The following GPC5 variants were observed in gnomAD, a reference collection of about 807,000 sequenced individuals.
The protein encoded by GPC5 is glypican 5, also known as glypican-5.
GPC5 carries 47 observed loss-of-function variants against 53.9 expected under a neutral mutation model. That is an observed-to-expected ratio of 0.87 (90% CI 0.69 to 1.11). The LOEUF is 1.11. GPC5 is among the 50% of genes most tolerant of loss of function. GPC5 has a pLI of 0.00. For missense variants in GPC5, 748 were observed against 713.1 expected, an observed-to-expected ratio of 1.05 and a Z score of -0.56; for synonymous variants, 286 against 263.3, an observed-to-expected ratio of 1.09 and a Z score of -0.84.
intron 7 of GPC5, among the ~76,000 whole-genome samples, chr13:92,300,196 A>T (rs1050672815): frequency 1.3e-5 from 2 of 152,184 alleles, no homozygotes; most frequent in Non-Finnish European, 2.9e-5. Context: ...TCGTGAGGGT[A>T]AACACATACA....
At chr13:92,154,391 T>C (rs1566459307) in intron 7 of GPC5, among the ~76,000 whole-genome samples, 2 of 152,134 alleles carry the variant, frequency 1.3e-5, no homozygotes, top group Non-Finnish European at 2.9e-5. Flanking sequence ...ATACTATCAA[T>C]ACAAAAGTCA....
chr13:92,141,893 A>C (rs1181072462), intron 6 of GPC5, among the ~76,000 whole-genome samples: 1 of 152,108 alleles, frequency 6.6e-6, no homozygotes, highest in African/African-American at 2.4e-5. Context: ...AGAGGCCACT[A>C]GTGGTACAGT....
chr13:91,525,961 G>T (rs1382184888), intron 2 of GPC5, among the ~76,000 whole-genome samples: 4 of 152,256 alleles, frequency 2.6e-5, no homozygotes, highest in African/African-American at 9.6e-5. Flanking sequence ...GTCAAAAGTT[G>T]AATTTATGTA....
intron 7 of GPC5, among the ~76,000 whole-genome samples, chr13:92,402,482 T>A (rs1396151179): frequency 6.6e-6 from 1 of 152,186 alleles, no homozygotes; most frequent in African/African-American, 2.4e-5. Context: ...TTTTTGGTTT[T>A]TTGTTTTCTT....
chr13:92,108,449 AGCCTGCAGG>A (rs2041527311), intron 6 of GPC5, among the ~76,000 whole-genome samples: 1 of 152,176 alleles, frequency 6.6e-6, no homozygotes, highest in African/African-American at 2.4e-5. Flanking sequence ...TATAGAAAGG[AGCCTGCAGG>A]GCTGGGATTT....
chr13:91,956,078 G>C (rs1301269858), intron 6 of GPC5, among the ~76,000 whole-genome samples: 5 of 152,178 alleles, frequency 3.3e-5, no homozygotes, highest in African/African-American at 9.6e-5. Flanking sequence ...CCAGGGGCTT[G>C]AGAATCACCT....
rs982489880 is a variant in GPC5, at chr13:91,651,136, A to G, written c.326-42051A>G. On this transcript the variant is annotated intron_variant, in intron 2 of 7. Transcript: ENST00000377067. ...TCATCCAACAGTTATGAATTTCACC[A>G]TACCACTAGGTAAATGTAAGTACCC... Among the ~76,000 whole-genome samples the G allele has an allele frequency of 4.6e-5, 7 of 152,182 alleles. 1 individual carries two copies. Among genetic ancestry groups the G allele is most frequent in the African/African-American group, 1.7e-4 (7 of 41,450 alleles).
At position 91,712,444 on chromosome 13, in the gene GPC5, T is replaced by TATATTAG. The variant is rs1215825941; in HGVS notation, c.1021-16088_1021-16087insATATTAG. Among the ~76,000 whole-genome samples the TATATTAG allele has an allele frequency of 3.9e-5, 6 of 152,162 alleles. No individual in the cohort carries two copies. The East Asian group carries it at 1.2e-3, about 29-fold the overall frequency. Reference sequence around the variant, plus strand: ...GAATATATTGGTGTTTCTCACTAACTTGGGTGAAAGTATGAATCATAAATA... The same window carrying TATATTAG: ...GAATATATTGGTGTTTCTCACTAACTATATTAGTGGGTGAAAGTATGAATCATAAATA... On this transcript the variant is annotated intron_variant, in intron 3 of 7. Transcript: ENST00000377067.
chr13:91,873,085 TATAGAAAATGATATGCAATTGCC>T (rs1377001641), intron 5 of GPC5, among the ~76,000 whole-genome samples: 6 of 152,362 alleles, frequency 3.9e-5, no homozygotes, highest in East Asian at 1.9e-4. Flanking sequence ...ATGTTTATTT[TATAGAAAATGATATGCAATTGCC>T]ATAGAAAATG....
chr13:91,641,952 T>A, intron 2 of GPC5, among the ~76,000 whole-genome samples: 1 of 152,184 alleles, frequency 6.6e-6, no homozygotes, highest in East Asian at 1.9e-4. Flanking sequence ...TACAAGAGGC[T>A]AAAGTCATGG....
intron 7 of GPC5, chr13:92,719,798 C>A (rs1327180982): frequency 6.6e-6 from 1 of 152,130 alleles, no homozygotes; most frequent in African/African-American, 2.4e-5. Flanking sequence ...AAGTTACACA[C>A]CTTCTGTTCA....
intron 7 of GPC5, among the ~76,000 whole-genome samples, chr13:92,707,502 G>A (rs1265003621): frequency 1.3e-5 from 2 of 151,996 alleles, no homozygotes; most frequent in African/African-American, 2.4e-5. Flanking sequence ...AGCAAGAAAG[G>A]CTCACTGAAT....
chr13:91,427,256 A>G (rs1373260824), intron 1 of GPC5, among the ~76,000 whole-genome samples: 3 of 152,208 alleles, frequency 2.0e-5, no homozygotes, highest in South Asian at 2.1e-4. Context: ...AACTTGCACC[A>G]TGAGCCTGGA....
chr13:92,655,735 C>A (rs550939947), intron 7 of GPC5, among the ~76,000 whole-genome samples: 1 of 152,210 alleles, frequency 6.6e-6, no homozygotes, highest in Non-Finnish European at 1.5e-5. Flanking sequence ...GACAACAGAC[C>A]AGATGCTTCT....
At chr13:92,547,695 A>G (rs1260802782) in intron 7 of GPC5, among the ~76,000 whole-genome samples, 1 of 152,164 alleles carries the variant, frequency 6.6e-6, no homozygotes, top group African/African-American at 2.4e-5. Context: ...GCCTCCAAGC[A>G]AGAGGGCATA....
chr13:92,761,841 C>T (rs1166029275), intron 7 of GPC5, among the ~76,000 whole-genome samples: 1 of 152,018 alleles, frequency 6.6e-6, no homozygotes, highest in Non-Finnish European at 1.5e-5. Context: ...TATCTTCTAG[C>T]AGCTTTCCCC....
chr13:92,379,620 T>C (rs1346426331), intron 7 of GPC5, among the ~76,000 whole-genome samples: 1 of 152,052 alleles, frequency 6.6e-6, no homozygotes. Flanking sequence ...CCTCTGCATA[T>C]TAGTTCCTCT....
At chr13:92,539,823 T>C (rs749036817) in intron 7 of GPC5, among the ~76,000 whole-genome samples, 6 of 151,964 alleles carry the variant, frequency 3.9e-5, no homozygotes, top group Non-Finnish European at 7.4e-5. Context: ...GGCTTAAACA[T>C]TTTGAGAAGG....
chr13:92,712,176 C>T (rs898931334), intron 7 of GPC5, among the ~76,000 whole-genome samples: 2 of 151,538 alleles, frequency 1.3e-5, no homozygotes, highest in African/African-American at 4.8e-5. Context: ...CAAAAATTGT[C>T]AATATCAGGA....
Sources: gnomAD v4.1 joint callset for allele counts (sites outside exome capture counted in the v4.1 genomes callset) on GRCh38, gnomAD v4.1.1 for gene constraint, MANE v1.5 for transcripts, NCBI Gene and HGNC (gene_info 2026-07-23, HGNC 2026-07-21) for gene names.